The following SPIDR variants were observed in gnomAD, a reference collection of about 807,000 sequenced individuals.
SPIDR encodes scaffold protein involved in DNA repair, also known as DNA repair-scaffolding protein.
Under a neutral mutation model 104.6 loss-of-function variants are expected in SPIDR, and 93 were observed. The ratio of observed to expected loss-of-function variants is 0.89; its 90% CI spans 0.75 to 1.06. SPIDR has a LOEUF of 1.06. SPIDR is among the 50% of genes least tolerant of loss of function. The pLI is 0.00. For synonymous variants in SPIDR, 431 were observed against 416.9 expected (o/e 1.03, Z -0.41); for missense variants, 1,154 against 1,111.2 (o/e 1.04, Z -0.55).
At chr8:47,615,998 A>G (rs2064255638) in intron 10 of SPIDR, among the ~76,000 whole-genome samples, 1 of 152,170 alleles carries the variant, frequency 6.6e-6, no homozygotes, top group African/African-American at 2.4e-5. Flanking sequence ...AGTGTATAAA[A>G]AAAACAACTT....
chr8:47,303,888 G>C (rs1438341313), intron 5 of SPIDR, among the ~76,000 whole-genome samples: 2 of 152,076 alleles, frequency 1.3e-5, no homozygotes, highest in Non-Finnish European at 2.9e-5. Flanking sequence ...TATTGGCCAG[G>C]CTGGTCTTGA....
intron 14 of SPIDR, among the ~76,000 whole-genome samples, chr8:47,711,054 G>A (rs1004871140): frequency 2.0e-5 from 3 of 152,102 alleles, no homozygotes; most frequent in Admixed American, 1.3e-4. Flanking sequence ...ATGAGCCACT[G>A]TGCCCAGCCC....
chr8:47,419,812 T>A (rs2065087153), intron 7 of SPIDR, among the ~76,000 whole-genome samples: 1 of 151,866 alleles, frequency 6.6e-6, no homozygotes, highest in Non-Finnish European at 1.5e-5. Context: ...GATTCCGGTA[T>A]GTTGCGTCTT....
At chr8:47,311,868 A>C (rs1303256953) in intron 5 of SPIDR, among the ~76,000 whole-genome samples, 1 of 151,754 alleles carries the variant, frequency 6.6e-6, no homozygotes, top group Non-Finnish European at 1.5e-5. Flanking sequence ...ATCCCTCCCC[A>C]CTTCCCCCAT....
At chr8:47,303,524 C>T (rs1199336808) in intron 5 of SPIDR, among the ~76,000 whole-genome samples, 2 of 152,328 alleles carry the variant, frequency 1.3e-5, no homozygotes, top group Admixed American at 6.5e-5. Context: ...AATCACCCGT[C>T]TTCTGCGTCA....
chr8:47,622,992 G>A (rs1047718019), intron 10 of SPIDR, among the ~76,000 whole-genome samples: 9 of 152,114 alleles, frequency 5.9e-5, no homozygotes, highest in South Asian at 2.1e-4. Flanking sequence ...CTCAGTATCC[G>A]CTACGCCCTA....
intron 8 of SPIDR, among the ~76,000 whole-genome samples, chr8:47,447,083 C>A (rs556347564): frequency 1.3e-5 from 2 of 152,046 alleles, no homozygotes; most frequent in Non-Finnish European, 2.9e-5. Context: ...ACTGCACATG[C>A]GGTGGAAAAA....
chr8:47,320,897 A>G (rs1258977148), intron 5 of SPIDR, among the ~76,000 whole-genome samples: 2 of 152,138 alleles, frequency 1.3e-5, no homozygotes, highest in Non-Finnish European at 2.9e-5. Flanking sequence ...AAATTTAACA[A>G]CCCTTCATGC....
chr8:47,444,164 A>G (rs2070066939), intron 8 of SPIDR, among the ~76,000 whole-genome samples: 1 of 152,240 alleles, frequency 6.6e-6, no homozygotes, highest in South Asian at 2.1e-4. Flanking sequence ...TGAAAGCTTT[A>G]TAATGATTCC....
intron 10 of SPIDR, among the ~76,000 whole-genome samples, chr8:47,658,780 C>CA (rs1423106983): frequency 8.6e-5 from 13 of 151,228 alleles, no homozygotes; most frequent in African/African-American, 2.9e-4. Context: ...ACTAAAAATA[C>CA]AAAAAATTAG....
intron 8 of SPIDR, among the ~76,000 whole-genome samples, chr8:47,516,420 A>C (rs2083161453): frequency 6.6e-6 from 1 of 152,156 alleles, no homozygotes; most frequent in African/African-American, 2.4e-5. Flanking sequence ...TCTGGTGCCT[A>C]CTAAACACTA....
chr8:47,386,029 G>T (rs1340381653), intron 5 of SPIDR, among the ~76,000 whole-genome samples: 2 of 151,918 alleles, frequency 1.3e-5, no homozygotes, highest in African/African-American at 4.8e-5. Context: ...TTTGGAAATT[G>T]ATTTTGGTGT....
intron 5 of SPIDR, among the ~76,000 whole-genome samples, chr8:47,378,529 CATT>C (rs2058946936): frequency 6.6e-6 from 1 of 152,180 alleles, no homozygotes; most frequent in African/African-American, 2.4e-5. Flanking sequence ...TTCTGGCTTC[CATT>C]ATTTTCTAGA....
At chr8:47,667,012 G>A (rs1470635496) in intron 10 of SPIDR, among the ~76,000 whole-genome samples, 1 of 152,150 alleles carries the variant, frequency 6.6e-6, no homozygotes, top group Non-Finnish European at 1.5e-5. Flanking sequence ...CAGGTGCAGT[G>A]GTTCACGCCT....
chr8:47,531,337 G>A (rs576620470), intron 8 of SPIDR, among the ~76,000 whole-genome samples: 4 of 152,306 alleles, frequency 2.6e-5, no homozygotes, highest in African/African-American at 9.6e-5. Flanking sequence ...GGGCAGTAAT[G>A]TGAATGGAGC....
chr8:47,470,803 C>T (rs897660204), intron 8 of SPIDR, among the ~76,000 whole-genome samples: 7 of 152,026 alleles, frequency 4.6e-5, no homozygotes, highest in African/African-American at 7.2e-5. Context: ...GGCGTGATCT[C>T]GGCTCACTGC....
At chr8:47,295,490 A>G (rs1230944000) in intron 5 of SPIDR, among the ~76,000 whole-genome samples, 1 of 152,112 alleles carries the variant, frequency 6.6e-6, no homozygotes, top group Admixed American at 6.6e-5. Context: ...CTGGTAATCA[A>G]CATTCTACCA....
At chr8:47,468,651 G>T (rs1412848615) in intron 8 of SPIDR, among the ~76,000 whole-genome samples, 8 of 152,206 alleles carry the variant, frequency 5.3e-5, no homozygotes, top group Non-Finnish European at 1.5e-5. Context: ...CTAGCCACAT[G>T]CAGAAGATTG....
chr8:47,378,965 T>C (rs1554643968), intron 5 of SPIDR, among the ~76,000 whole-genome samples: 1 of 152,202 alleles, frequency 6.6e-6, no homozygotes, highest in African/African-American at 2.4e-5. Flanking sequence ...ATTTTATTCA[T>C]CTTTATAGTC....
Sources: gnomAD v4.1 joint callset for allele counts (sites outside exome capture counted in the v4.1 genomes callset) on GRCh38, gnomAD v4.1.1 for gene constraint, MANE v1.5 for transcripts, NCBI Gene and HGNC (gene_info 2026-07-23, HGNC 2026-07-21) for gene names.